Variants in UGT1A8 observed in about 807,000 individuals in gnomAD.
UGT1A8 encodes UDP-glucuronosyltransferase 1A8.
Under a neutral mutation model 45.3 loss-of-function variants are expected in UGT1A8, and 39 were observed. That is an observed-to-expected ratio of 0.86 (90% CI 0.67 to 1.12). UGT1A8 has a LOEUF of 1.12. Among genes scored for constraint, UGT1A8 ranks in the 50% most tolerant of loss-of-function variants. The probability of loss-of-function intolerance (pLI) is 0.00; values close to 1 mark genes in which losing one functional copy is unlikely to be tolerated. For missense variants in UGT1A8, 719 were observed against 664.9 expected, an observed-to-expected ratio of 1.08 and a Z score of -0.90; for synonymous variants, 275 against 249.2, an observed-to-expected ratio of 1.10 and a Z score of -0.97.
At chr2:233,680,095 A>ATCT (rs1184661454) in intron 1 of UGT1A8, among the ~76,000 whole-genome samples, 38 of 152,088 alleles carry the variant, frequency 2.5e-4, no homozygotes, top group Non-Finnish European at 5.0e-4. Flanking sequence ...ATGGCAGGCA[A>ATCT]TCATAGCGGC....
At chr2:233,683,580 C>G (rs1400280067) in intron 1 of UGT1A8, among the ~76,000 whole-genome samples, 1 of 152,122 alleles carries the variant, frequency 6.6e-6, no homozygotes, top group Admixed American at 6.5e-5. Flanking sequence ...TCTTCCTACT[C>G]AAGAATATGA....
At chr2:233,646,559 C>A (rs1221225370) in intron 1 of UGT1A8, among the ~76,000 whole-genome samples, 1 of 152,188 alleles carries the variant, frequency 6.6e-6, no homozygotes, top group East Asian at 1.9e-4. Context: ...TACCCTAAAT[C>A]ATCTTTCTAA....
intron 1 of UGT1A8, among the ~76,000 whole-genome samples, chr2:233,694,933 G>A (rs2075249431): frequency 1.3e-5 from 2 of 152,182 alleles, no homozygotes; most frequent in African/African-American, 4.8e-5. Flanking sequence ...GATCAAATCA[G>A]GGTAATTGAG....
chr2:233,681,336 C>T (rs575470114), intron 1 of UGT1A8, among the ~76,000 whole-genome samples: 1 of 151,950 alleles, frequency 6.6e-6, no homozygotes, highest in East Asian at 1.9e-4. Flanking sequence ...GAGTTCGAGA[C>T]CAGCCTGGGC....
At chr2:233,690,764 C>T in intron 1 of UGT1A8, 1 of 1,095,494 alleles carries the variant, frequency 9.1e-7, no homozygotes, top group Non-Finnish European at 1.1e-6. Flanking sequence ...CAGACATACA[C>T]ACACACACAC....
At chr2:233,630,910 C>T (rs1364018199) in intron 1 of UGT1A8, among the ~76,000 whole-genome samples, 1 of 150,558 alleles carries the variant, frequency 6.6e-6, no homozygotes, top group African/African-American at 2.5e-5. Flanking sequence ...TAGGTATACA[C>T]GTGCCATGGT....
At chr2:233,707,336 T>G (rs2075956257) in intron 1 of UGT1A8, among the ~76,000 whole-genome samples, 1 of 152,282 alleles carries the variant, frequency 6.6e-6, no homozygotes, top group East Asian at 1.9e-4. Context: ...CCATGGTGGT[T>G]TGCTGCCCAG....
chr2:233,622,849 T>C (rs975127544), intron 1 of UGT1A8, among the ~76,000 whole-genome samples: 1 of 152,222 alleles, frequency 6.6e-6, no homozygotes, highest in African/African-American at 2.4e-5. Context: ...CTAGGGTTTT[T>C]ATGGTTTTAG....
At chr2:233,732,341 T>G (rs1447704725) in intron 1 of UGT1A8, among the ~76,000 whole-genome samples, 1 of 152,268 alleles carries the variant, frequency 6.6e-6, no homozygotes, top group East Asian at 1.9e-4. Flanking sequence ...TTGCTTTTGG[T>G]GTTTTAGTCA....
intron 1 of UGT1A8, chr2:233,752,472 A>G (rs185071344): frequency 6.6e-5 from 10 of 152,356 alleles, no homozygotes; most frequent in Admixed American, 4.6e-4. Flanking sequence ...GGCCTCTAGC[A>G]GTGTTATGTT....
intron 1 of UGT1A8, among the ~76,000 whole-genome samples, chr2:233,748,852 G>A (rs1236663773): frequency 6.6e-6 from 1 of 151,452 alleles, no homozygotes; most frequent in Non-Finnish European, 1.5e-5. Flanking sequence ...GAGCGTATAA[G>A]CCCAGTTAAG....
At chr2:233,712,924 G>C in intron 1 of UGT1A8, 3 of 1,611,998 alleles carry the variant, frequency 1.9e-6, no homozygotes, top group Non-Finnish European at 1.7e-6. Flanking sequence ...AGGTAATTAA[G>C]ACGAAGGAAA....
At chr2:233,636,475 T>A in intron 1 of UGT1A8, 1 of 1,582,512 alleles carries the variant, frequency 6.3e-7, no homozygotes, top group Non-Finnish European at 8.6e-7. Context: ...GCCTACTGTA[T>A]CATAGCAGCT....
At chr2:233,654,468 G>A (rs1361339739) in intron 1 of UGT1A8, among the ~76,000 whole-genome samples, 2 of 152,170 alleles carry the variant, frequency 1.3e-5, no homozygotes, top group Admixed American at 6.5e-5. Flanking sequence ...ATAAAATTAA[G>A]TAGTTTACAG....
At chr2:233,631,144 TC>T (rs2073179315) in intron 1 of UGT1A8, among the ~76,000 whole-genome samples, 1 of 152,172 alleles carries the variant, frequency 6.6e-6, no homozygotes, top group South Asian at 2.1e-4. Flanking sequence ...TCCAGCTTCA[TC>T]CATGTCCCTG....
chr2:233,747,052 G>A (rs1432721744), intron 1 of UGT1A8, among the ~76,000 whole-genome samples: 1 of 151,950 alleles, frequency 6.6e-6, no homozygotes, highest in African/African-American at 2.4e-5. Flanking sequence ...GAAAGACAAT[G>A]ATTGGTTAAT....
chr2:233,636,531 C>G, intron 1 of UGT1A8: 2 of 1,612,850 alleles, frequency 1.2e-6, no homozygotes, highest in Non-Finnish European at 1.7e-6. Flanking sequence ...TCATGGCTCG[C>G]GCAGGGTGGA....
intron 1 of UGT1A8, among the ~76,000 whole-genome samples, chr2:233,706,893 G>A (rs2075929501): frequency 6.6e-6 from 1 of 152,182 alleles, no homozygotes; most frequent in South Asian, 2.1e-4. Context: ...CTGGTTGGAG[G>A]CATTTTACAA....
intron 1 of UGT1A8, among the ~76,000 whole-genome samples, chr2:233,620,233 G>T (rs988350161): frequency 6.6e-6 from 1 of 152,130 alleles, no homozygotes; most frequent in Non-Finnish European, 1.5e-5. Flanking sequence ...TCAAAATTAG[G>T]CATGACTTTC....
Sources: gnomAD v4.1 joint callset for allele counts (sites outside exome capture counted in the v4.1 genomes callset) on GRCh38, gnomAD v4.1.1 for gene constraint, MANE v1.5 for transcripts, NCBI Gene and HGNC (gene_info 2026-07-23, HGNC 2026-07-21) for gene names.